SLCO6A1: variants seen among roughly 807,000 people sequenced by gnomAD.
SLCO6A1 encodes solute carrier organic anion transporter family member 6A1.
A neutral mutation model predicts 72.7 loss-of-function variants in SLCO6A1; 65 were observed. The ratio of observed to expected loss-of-function variants is 0.89; its 90% CI spans 0.73 to 1.10. The LOEUF is 1.10. Among genes scored for constraint, SLCO6A1 ranks in the 50% least tolerant of loss-of-function variants. SLCO6A1 has a pLI of 0.00. For missense variants in SLCO6A1, 874 were observed against 872.6 expected, an observed-to-expected ratio of 1.00 and a Z score of -0.02; for synonymous variants, 314 against 298.2, an observed-to-expected ratio of 1.05 and a Z score of -0.55.
chr5:102,492,921 A>C (rs1324794879), intron 1 of SLCO6A1, among the ~76,000 whole-genome samples: 1 of 152,166 alleles, frequency 6.6e-6, no homozygotes, highest in Non-Finnish European at 1.5e-5. Context: ...ACCACTGCTC[A>C]AGGAGGCCTG....
At chr5:102,439,744 A>G (rs977197485) in intron 6 of SLCO6A1, among the ~76,000 whole-genome samples, 2 of 152,188 alleles carry the variant, frequency 1.3e-5, no homozygotes, top group African/African-American at 2.4e-5. Context: ...CCTAGGGCAT[A>G]AGGATTTAGC....
At chr5:102,430,626 T>A (rs1280153363) in intron 7 of SLCO6A1, among the ~76,000 whole-genome samples, 1 of 152,154 alleles carries the variant, frequency 6.6e-6, no homozygotes, top group African/African-American at 2.4e-5. Flanking sequence ...GTTTAACCAA[T>A]CTTGCATTAC....
chr5:102,415,782 A>G (rs902888141), intron 8 of SLCO6A1, among the ~76,000 whole-genome samples: 5 of 152,134 alleles, frequency 3.3e-5, no homozygotes, highest in African/African-American at 1.2e-4. Flanking sequence ...CCTGAAGTTT[A>G]GGAGAAAATA....
intron 1 of SLCO6A1, among the ~76,000 whole-genome samples, chr5:102,497,369 G>C (rs1478420241): frequency 6.6e-6 from 1 of 152,164 alleles, no homozygotes; most frequent in Non-Finnish European, 1.5e-5. Context: ...AATGATCATA[G>C]ACACCGTTTT....
intron 4 of SLCO6A1, among the ~76,000 whole-genome samples, chr5:102,471,819 T>A (rs183280463): frequency 9.9e-5 from 15 of 152,056 alleles, no homozygotes; most frequent in Admixed American, 7.2e-4. Context: ...TTTTTAGTAA[T>A]GTGGGCAGAC....
At chr5:102,436,403 T>C (rs1411851071) in intron 7 of SLCO6A1, among the ~76,000 whole-genome samples, 1 of 152,098 alleles carries the variant, frequency 6.6e-6, no homozygotes, top group Non-Finnish European at 1.5e-5. Flanking sequence ...ACTATGCAAA[T>C]GGATTCACAA....
At chr5:102,379,033 G>A (rs1265883483) in intron 12 of SLCO6A1, among the ~76,000 whole-genome samples, 1 of 151,984 alleles carries the variant, frequency 6.6e-6, no homozygotes, top group Non-Finnish European at 1.5e-5. Context: ...TGCCCACCTC[G>A]GCCTCCCAAA....
intron 8 of SLCO6A1, among the ~76,000 whole-genome samples, chr5:102,417,425 T>C (rs1748344869): frequency 6.6e-6 from 1 of 152,136 alleles, no homozygotes; most frequent in Middle Eastern, 3.4e-3. Context: ...TTTTCCTTTT[T>C]TTCTGCCTAA....
intron 9 of SLCO6A1, among the ~76,000 whole-genome samples, chr5:102,406,565 G>A (rs1747679457): frequency 6.6e-6 from 1 of 151,920 alleles, no homozygotes; most frequent in Non-Finnish European, 1.5e-5. Flanking sequence ...AAAGTGACAA[G>A]AAAATTTGGC....
Position 102,498,927 on chromosome 5 carries a change from T to C in SLCO6A1, c.-83A>G. The C allele has an allele frequency of 7.4e-7, 1 of 1,346,952 alleles. No individual in the cohort carries two copies. 83.4% of individuals were successfully genotyped at this position (1,346,952 alleles called of 1,614,324 possible). A position where few individuals can be genotyped will look rare whatever the true frequency, so the allele number is the denominator to read the frequency against. ...GCCTGGGCCAACCCAAAGGCCAGCC[T>C]GGCGAGGGCGTCGGAGGACTCGGTG... On this transcript the variant is annotated 5_prime_UTR_variant, in exon 1 of 14. Transcript: ENST00000506729.
At position 102,413,005 on chromosome 5, in the gene SLCO6A1, TG is replaced by T. The variant is rs1297167981; in HGVS notation, c.1610del (p.Ala537AspfsTer18). On this transcript the variant is annotated frameshift_variant, in exon 9 of 14. Transcript: ENST00000506729. LOFTEE classifies it high-confidence loss of function. ...AAATAATTACCTTTTTTTGGTTTTG[TG>T]CTTTAGAATATGTACACCCTGCAAA... Reference protein sequence around the residue: ...PCFAGCTYSKAQNQKKMYYNC... With the variant: ...PCFAGCTYSKXQNQKKMYYNC... 3.5e-6 allele frequency: 5 copies of T among 1,413,532 alleles called. No homozygotes were observed. The highest frequency in any genetic ancestry group is 4.6e-6 in the Non-Finnish European group (5 of 1,079,850). 87.6% of individuals were successfully genotyped at this position (1,413,532 alleles called of 1,614,324 possible). A position where few individuals can be genotyped will look rare whatever the true frequency, so the allele number is the denominator to read the frequency against.
intron 1 of SLCO6A1, among the ~76,000 whole-genome samples, chr5:102,483,252 C>G (rs1052922454): frequency 1.3e-5 from 2 of 152,158 alleles, no homozygotes; most frequent in Non-Finnish European, 2.9e-5. Flanking sequence ...TTCTAATTAC[C>G]AAATGGTCAA....
At chr5:102,433,215 C>T (rs1749316603) in intron 7 of SLCO6A1, among the ~76,000 whole-genome samples, 1 of 152,106 alleles carries the variant, frequency 6.6e-6, no homozygotes. Context: ...TTCAACGTTC[C>T]CCTGAATCTT....
At chr5:102,417,962 T>C (rs1748378679) in intron 8 of SLCO6A1, among the ~76,000 whole-genome samples, 2 of 151,506 alleles carry the variant, frequency 1.3e-5, no homozygotes, top group Non-Finnish European at 2.9e-5. Context: ...GCCACTGCAC[T>C]CCAGCTTGGG....
At chr5:102,417,744 G>A (rs1165559011) in intron 8 of SLCO6A1, among the ~76,000 whole-genome samples, 1 of 151,900 alleles carries the variant, frequency 6.6e-6, no homozygotes, top group Non-Finnish European at 1.5e-5. Context: ...ATTTATTTCT[G>A]ACTGAAAGAC....
intron 6 of SLCO6A1, among the ~76,000 whole-genome samples, chr5:102,441,442 G>A (rs757551577): frequency 6.6e-6 from 1 of 152,060 alleles, no homozygotes; most frequent in Non-Finnish European, 1.5e-5. Flanking sequence ...TCTATATCAA[G>A]GAAATGCTAC....
intron 2 of SLCO6A1, 136 bp from the exon 3 acceptor site, chr5:102,477,997 T>C (rs1751999462): frequency 6.2e-6 from 5 of 803,024 alleles, no homozygotes; most frequent in Non-Finnish European, 5.8e-6. Context: ...TTCATTTACA[T>C]TGAATGTAGT....
chr5:102,484,256 T>C (rs969898021), intron 1 of SLCO6A1, among the ~76,000 whole-genome samples: 2 of 152,200 alleles, frequency 1.3e-5, no homozygotes, highest in South Asian at 4.1e-4. Flanking sequence ...AGCCCAATCA[T>C]GTCAGACAGC....
At chr5:102,495,361 C>T (rs748709407) in intron 1 of SLCO6A1, among the ~76,000 whole-genome samples, 7 of 152,094 alleles carry the variant, frequency 4.6e-5, no homozygotes, top group African/African-American at 7.2e-5. Flanking sequence ...TGGGAGGCCG[C>T]GGTGGGCGGA....
Sources: gnomAD v4.1 joint callset for allele counts (sites outside exome capture counted in the v4.1 genomes callset) on GRCh38, gnomAD v4.1.1 for gene constraint, MANE v1.5 for transcripts, NCBI Gene and HGNC (gene_info 2026-07-23, HGNC 2026-07-21) for gene names.